Variants in NCAPH observed in about 807,000 individuals in gnomAD.
NCAPH encodes the protein condensin complex subunit 2.
Under a neutral mutation model 85.5 loss-of-function variants are expected in NCAPH, and 38 were observed. That is an observed-to-expected ratio of 0.44 (90% CI 0.34 to 0.58). The LOEUF is 0.58. Among genes scored for constraint, NCAPH ranks in the 20% least tolerant of loss-of-function variants. The pLI is 0.01. For synonymous variants in NCAPH, 301 were observed against 335.1 expected (o/e 0.90, Z 1.11); for missense variants, 789 against 916.6 (o/e 0.86, Z 1.80).
At position 96,369,454 on chromosome 2, in the gene NCAPH, C is replaced by T; in HGVS notation, c.2120C>T (p.Ser707Phe). 1 of 1,614,166 alleles carries T rather than the reference C, an allele frequency of 6.2e-7. No homozygotes were observed. The highest frequency in any genetic ancestry group is 8.5e-7 in the Non-Finnish European group (1 of 1,179,998). The change falls in exon 17 of 18, where the codon TCC (serine) becomes TTC (phenylalanine). Residue 707 changes from serine to phenylalanine, a missense_variant. By Grantham distance (155) the Ser-to-Phe change is radical. Coordinates refer to ENST00000240423, the MANE Select transcript of NCAPH (RefSeq NM_015341.5). ...SLPPVMAQNL[S>F]IPLAFACLLH... The stretch of plus-strand genomic sequence containing the variant: ...CCCCCTGTCATGGCTCAGAACCTCT[C>T]CATACCTCTGGCTTTTGCCTGTCTC...
Position 96,359,052 on chromosome 2 carries a change from A to G in NCAPH, c.1216A>G (p.Met406Val). 6.2e-7 allele frequency: 1 copy of G among 1,614,076 alleles called. No homozygotes were observed. The highest frequency in any genetic ancestry group is 1.6e-4 in the Middle Eastern group (1 of 6,062). ...PCQVQSCQEEMISLGDGDIRT... is the reference protein window; with the variant it reads ...PCQVQSCQEEVISLGDGDIRT... ...CAAATATGTGTGTTACAGGGAAGAA[A>G]TGATTTCCCTTGGGGATGGAGACAT... The change falls in exon 10 of 18, where the codon ATG (methionine) becomes GTG (valine). Residue 406 changes from methionine (M) to valine (V), a missense_variant. Met to Val is a conservative substitution (Grantham distance 21, BLOSUM62 1). Coordinates refer to ENST00000240423, the MANE Select transcript of NCAPH (RefSeq NM_015341.5).
At chr2:96,359,336 C>T (rs2064572764) in intron 10 of NCAPH, 143 bp downstream of exon 10, 3 of 1,048,880 alleles carry the variant, frequency 2.9e-6, no homozygotes, top group Non-Finnish European at 4.1e-6. Context: ...GAGCCAGCCT[C>T]CTGGTTGGTC....
At chr2:96,369,364 ATGAACGAGCTTT>A in intron 16 of NCAPH, 49 bp from the exon 17 acceptor site, 1 of 1,396,048 alleles carries the variant, frequency 7.2e-7, no homozygotes, top group Non-Finnish European at 1.0e-6. Flanking sequence ...TTCATACTTG[ATGAACGAGCTTT>A]TGTTCTAACA....
In NCAPH at chr2:96,342,258, T is replaced by C. The variant is rs1045207821; in HGVS notation, c.363+118T>C. On this transcript the variant is annotated intron_variant, in intron 3 of 17. Transcript: ENST00000240423. ...GATGATAATTCTCTGGTGAGTCATC[T>C]TAGTGCTGGTGGTTTTACTGTTTAC... 1.7e-5 allele frequency: 17 copies of C among 983,620 alleles called. No individual in the cohort carries two copies. In the African/African-American group the frequency reaches 2.6e-4, roughly 15 times the overall value. 60.9% of individuals were successfully genotyped at this position (983,620 alleles called of 1,614,324 possible). A position where few individuals can be genotyped will look rare whatever the true frequency, so the allele number is the denominator to read the frequency against.
chr2:96,343,514 C>T (rs962365138), intron 5 of NCAPH, among the ~76,000 whole-genome samples: 29 of 152,118 alleles, frequency 1.9e-4, no homozygotes, highest in African/African-American at 6.0e-4. Flanking sequence ...CTTATAAAAG[C>T]GTTTATATTT....
At position 96,375,382 on chromosome 2, in the gene NCAPH, C is replaced by T. The variant is rs2064821181; in HGVS notation, c.*2031C>T. ...ACATGTTGGTATTAAGAGATAGGGCCTTTGGGAGGTGATTAGGTTATGAGG... is the reference window on the plus strand; with the variant it reads ...ACATGTTGGTATTAAGAGATAGGGCTTTTGGGAGGTGATTAGGTTATGAGG... On this transcript the variant is annotated 3_prime_UTR_variant, in exon 18 of 18. Coordinates refer to ENST00000240423, the MANE Select transcript of NCAPH (RefSeq NM_015341.5). 6.6e-6 allele frequency among the ~76,000 whole-genome samples: 1 copy of T among 152,042 alleles called. No homozygotes were observed.
At chr2:96,353,809 T>G (rs1442531370) in intron 8 of NCAPH, among the ~76,000 whole-genome samples, 6 of 152,198 alleles carry the variant, frequency 3.9e-5, no homozygotes, top group Admixed American at 3.9e-4. Flanking sequence ...TTGTCATGTG[T>G]AGAGCTTTCC....
chr2:96,366,340 A>G (rs1295281238), intron 14 of NCAPH, among the ~76,000 whole-genome samples: 2 of 152,244 alleles, frequency 1.3e-5, no homozygotes, highest in Non-Finnish European at 2.9e-5. Flanking sequence ...ATAAATTTAT[A>G]TGCTAATTCA....
chr2:96,371,519 G>A (rs748186342), intron 17 of NCAPH, among the ~76,000 whole-genome samples: 9 of 152,116 alleles, frequency 5.9e-5, no homozygotes, highest in African/African-American at 1.9e-4. Flanking sequence ...CACTGAGGTC[G>A]TGCTGCTCCG....
At chr2:96,370,941 C>A (rs546388101) in intron 17 of NCAPH, among the ~76,000 whole-genome samples, 3 of 152,106 alleles carry the variant, frequency 2.0e-5, no homozygotes, top group Non-Finnish European at 4.4e-5. Context: ...CCGGTGACTG[C>A]GGAGAGAGGA....
intron 17 of NCAPH, among the ~76,000 whole-genome samples, chr2:96,371,724 T>C (rs1371633110): frequency 6.6e-6 from 1 of 152,216 alleles, no homozygotes; most frequent in Non-Finnish European, 1.5e-5. Context: ...ACTGGGCTTG[T>C]AACATTAGCC....
rs1573105664 is a variant in NCAPH at position 96,376,461 on chromosome 2, C to T, written c.*3110C>T. Among the ~76,000 whole-genome samples the T allele has an allele frequency of 6.6e-6, 1 of 152,318 alleles. No individual in the cohort carries two copies. Among genetic ancestry groups the T allele is most frequent in the African/African-American group, 2.4e-5 (1 of 41,562 alleles). ...TTGTAGTTCCCAGTAAAGTATGGTA[C>T]AGCTAGGTGCACTTCCCTGGCCAGA... On this transcript the variant is annotated 3_prime_UTR_variant, in exon 18 of 18. Coordinates refer to ENST00000240423, the MANE Select transcript of NCAPH (RefSeq NM_015341.5).
At chr2:96,352,140 C>T in intron 7 of NCAPH, 120 bp downstream of exon 7, 2 of 1,007,060 alleles carry the variant, frequency 2.0e-6, no homozygotes, top group Non-Finnish European at 2.9e-6. Flanking sequence ...CAGAAGTTTC[C>T]TCTGGAATGC....
rs774797622 is a variant in NCAPH at position 96,341,749 on chromosome 2, C to T, written c.127C>T (p.Pro43Ser). The change falls in exon 2 of 18, where the codon CCT becomes TCT. Residue 43 changes from proline (P) to serine (S), a missense_variant. Physicochemically the swap from Pro to Ser is moderately conservative, Grantham distance 74. Coordinates refer to ENST00000240423, the MANE Select transcript of NCAPH (RefSeq NM_015341.5). ...CCCGATGCCCCTGCCCAGGAAGGCG[C>T]CTCTCAATATTCCTGGCACCCCAGT... ...VFPMPLPRKA[P>S]LNIPGTPVLE... 3.1e-6 allele frequency: 5 copies of T among 1,614,080 alleles called. No individual in the cohort carries two copies. The highest frequency in any genetic ancestry group is 3.4e-6 in the Non-Finnish European group (4 of 1,180,056).
At chr2:96,338,626 G>T (rs1162399775) in intron 1 of NCAPH, among the ~76,000 whole-genome samples, 1 of 152,152 alleles carries the variant, frequency 6.6e-6, no homozygotes, top group South Asian at 2.1e-4. Context: ...GGTCGTCGGG[G>T]TAGAGTGAGA....
intron 12 of NCAPH, among the ~76,000 whole-genome samples, chr2:96,361,806 G>GTA (rs1220395616): frequency 0.034 from 2,573 of 76,520 alleles, 53 homozygotes; most frequent in African/African-American, 0.053. Flanking sequence ...ATATATATGT[G>GTA]TATATATATA....
At position 96,375,839 on chromosome 2, in the gene NCAPH, C is replaced by T. The variant is rs796801553; in HGVS notation, c.*2488C>T. 4.6e-5 allele frequency among the ~76,000 whole-genome samples: 7 copies of T among 152,118 alleles called. No individual in the cohort carries two copies. Among genetic ancestry groups the T allele is most frequent in the African/African-American group, 1.7e-4 (7 of 41,486 alleles). ...CACATCCATAGTCTAAGCAGCAGGACGAAGGACTGGGGGAAAAGAGAACTG... is the reference window on the plus strand; with the variant it reads ...CACATCCATAGTCTAAGCAGCAGGATGAAGGACTGGGGGAAAAGAGAACTG... On this transcript the variant is annotated 3_prime_UTR_variant, in exon 18 of 18. Transcript: ENST00000240423.
chr2:96,360,799 G>A, intron 12 of NCAPH, 89 bp downstream of exon 12: 1 of 1,515,876 alleles, frequency 6.6e-7, no homozygotes, highest in Non-Finnish European at 9.0e-7. Flanking sequence ...GGAAAAGGGA[G>A]AATGTGAGGA....
At chr2:96,344,958 AC>A (rs1159459761) in intron 6 of NCAPH, among the ~76,000 whole-genome samples, 1 of 152,208 alleles carries the variant, frequency 6.6e-6, no homozygotes, top group Non-Finnish European at 1.5e-5. Flanking sequence ...AAAAAAAGGT[AC>A]TAATTTACTC....
Sources: gnomAD v4.1 joint callset for allele counts (sites outside exome capture counted in the v4.1 genomes callset) on GRCh38, gnomAD v4.1.1 for gene constraint, MANE v1.5 for transcripts, NCBI Gene and HGNC (gene_info 2026-07-23, HGNC 2026-07-21) for gene names.